Variants in SAMD5 observed in about 807,000 individuals in gnomAD.
SAMD5 encodes sterile alpha motif domain-containing protein 5.
Under a neutral mutation model 11.3 loss-of-function variants are expected in SAMD5, and 13 were observed. That is an observed-to-expected ratio of 1.15 (90% CI 0.75 to 1.83). The LOEUF (loss-of-function observed/expected upper bound fraction) is 1.83, where lower values mean the gene tolerates loss of function less well. Ranked by LOEUF, SAMD5 falls within the 40% of genes most tolerant of loss-of-function variation. The pLI is 0.00. For missense variants in SAMD5, 255 were observed against 239.1 expected, an observed-to-expected ratio of 1.07 and a Z score of -0.44; for synonymous variants, 129 against 111.3, an observed-to-expected ratio of 1.16 and a Z score of -1.00.
At chr6:147,646,535 C>A (rs977559441) in intron 1 of SAMD5, among the ~76,000 whole-genome samples, 3 of 152,112 alleles carry the variant, frequency 2.0e-5, no homozygotes, top group African/African-American at 7.2e-5. Flanking sequence ...GTATGCTAAA[C>A]TAGAGAGCTT....
the SAMD5 span, among the ~76,000 whole-genome samples, chr6:147,859,049 G>C: frequency 4.1e-4 from 63 of 152,242 alleles, no homozygotes; most frequent in African/African-American, 1.5e-3. Flanking sequence ...TTCACTAGGG[G>C]CCAGGGAGGA....
intron 1 of SAMD5, among the ~76,000 whole-genome samples, chr6:147,647,848 C>A (rs1354318352): frequency 1.3e-5 from 2 of 152,144 alleles, no homozygotes; most frequent in Non-Finnish European, 2.9e-5. Flanking sequence ...GAAAATGTAG[C>A]CTTTGAGCTT....
chr6:147,517,814 A>G (rs1309831969), intron 1 of SAMD5, among the ~76,000 whole-genome samples: 1 of 152,088 alleles, frequency 6.6e-6, no homozygotes, highest in East Asian at 1.9e-4. Flanking sequence ...AGTTAAGAGT[A>G]ATGACATTCA....
intron 1 of SAMD5, among the ~76,000 whole-genome samples, chr6:147,672,315 A>C (rs1384915390): frequency 6.6e-6 from 1 of 152,120 alleles, no homozygotes; most frequent in Non-Finnish European, 1.5e-5. Context: ...TGTTCAGTGG[A>C]TGTTCTTGGA....
chr6:147,941,514 C>A, the SAMD5 span, among the ~76,000 whole-genome samples: 2 of 152,028 alleles, frequency 1.3e-5, no homozygotes, highest in African/African-American at 4.8e-5. Flanking sequence ...AGTTTATAGC[C>A]GAAGCACTGT....
At chr6:147,645,650 G>C (rs1790386209) in intron 1 of SAMD5, among the ~76,000 whole-genome samples, 1 of 152,084 alleles carries the variant, frequency 6.6e-6, no homozygotes, top group African/African-American at 2.4e-5. Flanking sequence ...TAGGAGCAGG[G>C]TATAAGCTCG....
chr6:147,921,044 T>G, the SAMD5 span, among the ~76,000 whole-genome samples: 1 of 152,170 alleles, frequency 6.6e-6, no homozygotes, highest in Admixed American at 6.5e-5. Context: ...AATATTTCTT[T>G]AATTCATTCC....
At chr6:147,781,580 C>T in the SAMD5 span, among the ~76,000 whole-genome samples, 2 of 152,092 alleles carry the variant, frequency 1.3e-5, no homozygotes, top group African/African-American at 2.4e-5. Context: ...AGTTCTGCCA[C>T]TTTCTAGTGC....
intron 1 of SAMD5, among the ~76,000 whole-genome samples, chr6:147,693,078 G>A (rs1791125479): frequency 6.6e-6 from 1 of 152,108 alleles, no homozygotes; most frequent in African/African-American, 2.4e-5. Context: ...GCCTGAGTGT[G>A]CGCTCTCTCC....
At chr6:147,810,134 T>G in the SAMD5 span, among the ~76,000 whole-genome samples, 2 of 152,248 alleles carry the variant, frequency 1.3e-5, no homozygotes, top group Admixed American at 1.3e-4. Context: ...GAAGACCTTT[T>G]ACGATGAAGA....
At chr6:147,860,680 A>G in the SAMD5 span, among the ~76,000 whole-genome samples, 1 of 152,232 alleles carries the variant, frequency 6.6e-6, no homozygotes, top group East Asian at 1.9e-4. Flanking sequence ...TTGGTGGGCT[A>G]GATACGAGAA....
chr6:147,951,427 G>A, the SAMD5 span, among the ~76,000 whole-genome samples: 2 of 151,954 alleles, frequency 1.3e-5, no homozygotes, highest in East Asian at 1.9e-4. Context: ...TGATCCACCC[G>A]CCTTGGCCTC....
chr6:147,796,150 G>A, the SAMD5 span, among the ~76,000 whole-genome samples: 20 of 150,428 alleles, frequency 1.3e-4, no homozygotes, highest in African/African-American at 4.0e-4. Context: ...CCGTGCCTAT[G>A]TCCTGAATGG....
At chr6:147,700,074 T>G (rs577455879) in intron 1 of SAMD5, among the ~76,000 whole-genome samples, 1 of 152,172 alleles carries the variant, frequency 6.6e-6, no homozygotes, top group African/African-American at 2.4e-5. Context: ...AAAGAGAATT[T>G]AGTCCAGTTT....
At chr6:147,751,560 G>C in the SAMD5 span, among the ~76,000 whole-genome samples, 1 of 152,290 alleles carries the variant, frequency 6.6e-6, no homozygotes, top group Non-Finnish European at 1.5e-5. Flanking sequence ...GTCAGTGATG[G>C]TTATAATTAA....
At chr6:147,625,445 TG>T (rs1318846035) in intron 1 of SAMD5, among the ~76,000 whole-genome samples, 16 of 152,236 alleles carry the variant, frequency 1.1e-4, no homozygotes, top group African/African-American at 3.9e-4. Flanking sequence ...CTGAAATTAC[TG>T]AAGTTATTAA....
At chr6:147,741,212 C>T (rs545656951), downstream of SAMD5, among the ~76,000 whole-genome samples, 4 of 151,938 alleles carry the variant, frequency 2.6e-5, no homozygotes, top group Non-Finnish European at 5.9e-5. Context: ...TTGAGAAACC[C>T]AAGAATGAGC....
At chr6:147,632,311 C>A (rs1790163253) in intron 1 of SAMD5, among the ~76,000 whole-genome samples, 1 of 152,064 alleles carries the variant, frequency 6.6e-6, no homozygotes, top group African/African-American at 2.4e-5. Flanking sequence ...CCTCTTCTTG[C>A]CCAAATAACA....
In SAMD5 at chr6:147,681,510, C is replaced by T. The variant is rs1054649326; in HGVS notation, c.163-55807C>T. ...CTTTGTCAGCTAATTCTATAATTGG[C>T]ATCATTTCTGTGTTGATTCCGATTG... On this transcript the variant is annotated intron_variant, in intron 1 of 1. Coordinates refer to the SAMD5 transcript ENST00000566741. Among the ~76,000 whole-genome samples, 45 of 152,256 alleles carry T rather than the reference C, an allele frequency of 3.0e-4. 2 individuals are homozygous for T. In the Middle Eastern group the frequency reaches 0.014, roughly 46 times the overall value.
Sources: allele counts gnomAD v4.1 joint callset (sites outside exome capture counted in the v4.1 genomes callset), GRCh38; gene constraint gnomAD v4.1.1; transcripts MANE v1.5; gene names NCBI Gene and HGNC (gene_info 2026-07-23, HGNC 2026-07-21).